CHCHD6: variants seen among roughly 807,000 people sequenced by gnomAD.
CHCHD6 encodes coiled-coil-helix-coiled-coil-helix domain containing 6.
In CHCHD6, 28 loss-of-function variants were observed where a neutral mutation model predicts 32.3. The observed-to-expected ratio is 0.87, with a 90% CI of 0.64 to 1.19. The LOEUF (loss-of-function observed/expected upper bound fraction) is 1.19. CHCHD6 is among the 50% of genes most tolerant of loss of function. CHCHD6 has a pLI of 0.00. For missense variants in CHCHD6, 333 were observed against 307.0 expected (o/e 1.08, Z -0.63); for synonymous variants, 122 against 117.5 (o/e 1.04, Z -0.25).
At chr3:126,833,132 C>G (rs1940708521) in intron 4 of CHCHD6, among the ~76,000 whole-genome samples, 1 of 152,190 alleles carries the variant, frequency 6.6e-6, no homozygotes. Context: ...CATGCACACA[C>G]ACATGTACAT....
At chr3:126,893,029 C>T (rs894011783) in intron 5 of CHCHD6, among the ~76,000 whole-genome samples, 26 of 152,056 alleles carry the variant, frequency 1.7e-4, no homozygotes, top group African/African-American at 5.5e-4. Context: ...AGTGCAGTGG[C>T]GCAATCTTGG....
intron 4 of CHCHD6, among the ~76,000 whole-genome samples, chr3:126,836,556 G>A (rs976872260): frequency 1.3e-5 from 2 of 152,156 alleles, no homozygotes; most frequent in Non-Finnish European, 2.9e-5. Flanking sequence ...TTCATCGCAG[G>A]ATCCCAGGCT....
intron 4 of CHCHD6, chr3:126,766,370 C>A: frequency 2.0e-6 from 1 of 488,310 alleles, no homozygotes; most frequent in Non-Finnish European, 3.8e-6. Context: ...GACTTCCCAT[C>A]CCAGTGCACA....
intron 4 of CHCHD6, among the ~76,000 whole-genome samples, chr3:126,808,025 A>G (rs1939491395): frequency 6.6e-6 from 1 of 152,306 alleles, no homozygotes; most frequent in African/African-American, 2.4e-5. Context: ...AACAACATTT[A>G]TGTCTCACAG....
intron 6 of CHCHD6, among the ~76,000 whole-genome samples, chr3:126,915,512 A>G (rs2078155851): frequency 6.6e-6 from 1 of 152,208 alleles, no homozygotes; most frequent in African/African-American, 2.4e-5. Flanking sequence ...AGAGACCTTC[A>G]TAAATTAGCC....
intron 6 of CHCHD6, among the ~76,000 whole-genome samples, chr3:126,954,995 C>T (rs565108406): frequency 8.2e-4 from 125 of 152,364 alleles, no homozygotes; most frequent in African/African-American, 2.8e-3. Flanking sequence ...GCGATGGAGG[C>T]AGAGAGCCTG....
chr3:126,803,840 G>T (rs1479615088), intron 4 of CHCHD6, among the ~76,000 whole-genome samples: 1 of 152,104 alleles, frequency 6.6e-6, no homozygotes, highest in African/African-American at 2.4e-5. Context: ...AAATGTAAAA[G>T]AACAGAAATT....
chr3:126,856,095 C>T (rs1324707270), intron 5 of CHCHD6, among the ~76,000 whole-genome samples: 1 of 152,148 alleles, frequency 6.6e-6, no homozygotes, highest in Non-Finnish European at 1.5e-5. Context: ...ACACAAAATA[C>T]ACTAACACTA....
chr3:126,734,171 G>C (rs1935939421), intron 4 of CHCHD6, among the ~76,000 whole-genome samples: 1 of 152,236 alleles, frequency 6.6e-6, no homozygotes, highest in African/African-American at 2.4e-5. Context: ...GGCTAAGCCA[G>C]TCCTCAGCAG....
At chr3:126,845,269 G>T (rs527708647) in intron 4 of CHCHD6, among the ~76,000 whole-genome samples, 52 of 152,228 alleles carry the variant, frequency 3.4e-4, no homozygotes, top group Admixed American at 1.3e-3. Context: ...TGTTTTTGGT[G>T]GGGGAGAGTG....
intron 4 of CHCHD6, among the ~76,000 whole-genome samples, chr3:126,786,458 T>A (rs1312974344): frequency 1.3e-5 from 2 of 152,196 alleles, no homozygotes; most frequent in East Asian, 3.8e-4. Flanking sequence ...TGTAAAAGTG[T>A]TCCTATTTCT....
chr3:126,789,303 T>C (rs1016248744), intron 4 of CHCHD6, among the ~76,000 whole-genome samples: 6 of 152,168 alleles, frequency 3.9e-5, no homozygotes, highest in African/African-American at 1.4e-4. Context: ...ATTCTGTTGA[T>C]TTGGGGTGGA....
At chr3:126,797,340 A>C (rs1938843432) in intron 4 of CHCHD6, among the ~76,000 whole-genome samples, 1 of 152,212 alleles carries the variant, frequency 6.6e-6, no homozygotes, top group South Asian at 2.1e-4. Flanking sequence ...ACGGGGGAGC[A>C]GGGCAAGAAA....
At chr3:126,800,683 A>G (rs1939019899) in intron 4 of CHCHD6, among the ~76,000 whole-genome samples, 1 of 152,158 alleles carries the variant, frequency 6.6e-6, no homozygotes, top group African/African-American at 2.4e-5. Context: ...AAATGAAAGG[A>G]CTTTGGATGC....
chr3:126,955,578 C>T (rs541731796), intron 6 of CHCHD6, among the ~76,000 whole-genome samples: 2 of 152,304 alleles, frequency 1.3e-5, no homozygotes, highest in South Asian at 2.1e-4. Context: ...TTTACCTTGG[C>T]GCTGGTGTGG....
At chr3:126,784,750 T>G (rs781170314) in intron 4 of CHCHD6, among the ~76,000 whole-genome samples, 1 of 152,226 alleles carries the variant, frequency 6.6e-6, no homozygotes, top group Non-Finnish European at 1.5e-5. Context: ...TCCCCCAGTT[T>G]CACGCTTTCA....
chr3:126,759,994 A>C (rs1246010874), intron 4 of CHCHD6, among the ~76,000 whole-genome samples: 1 of 152,156 alleles, frequency 6.6e-6, no homozygotes, highest in East Asian at 1.9e-4. Flanking sequence ...TGAGAACAGG[A>C]GCAAGGACTG....
At chr3:126,805,792 C>G (rs1193448997) in intron 4 of CHCHD6, among the ~76,000 whole-genome samples, 1 of 152,196 alleles carries the variant, frequency 6.6e-6, no homozygotes, top group African/African-American at 2.4e-5. Flanking sequence ...CGCTACCTGA[C>G]TTCAAACTAT....
chr3:126,811,797 T>C (rs1284011664), intron 4 of CHCHD6, among the ~76,000 whole-genome samples: 1 of 152,208 alleles, frequency 6.6e-6, no homozygotes, highest in Non-Finnish European at 1.5e-5. Flanking sequence ...ATATTGTCCC[T>C]TGTATTTGAT....
Sources: allele counts gnomAD v4.1 joint callset (sites outside exome capture counted in the v4.1 genomes callset), GRCh38; gene constraint gnomAD v4.1.1; transcripts MANE v1.5; gene names NCBI Gene and HGNC (gene_info 2026-07-23, HGNC 2026-07-21).